Variants in NLRC5 observed in about 807,000 individuals in gnomAD.
The protein encoded by NLRC5 is NLR family CARD domain containing 5, also known as protein NLRC5.
NLRC5 carries 114 observed loss-of-function variants against 206.9 expected under a neutral mutation model. The ratio of observed to expected loss-of-function variants is 0.55; its 90% CI spans 0.47 to 0.64. The LOEUF (loss-of-function observed/expected upper bound fraction) is 0.64, where lower values mean the gene tolerates loss of function less well. Among genes scored for constraint, NLRC5 ranks in the 30% least tolerant of loss-of-function variants. NLRC5 has a pLI of 0.00. For synonymous variants in NLRC5, 952 were observed against 962.8 expected (o/e 0.99, Z 0.21); for missense variants, 2,008 against 2,305.5 (o/e 0.87, Z 2.64).
Position 57,040,631 on chromosome 16 carries a change from C to T in NLRC5, c.2871-19C>T, listed in dbSNP as rs769259941. 1.2e-6 allele frequency: 2 copies of T among 1,613,634 alleles called. No homozygotes were observed. Among genetic ancestry groups the T allele is most frequent in the African/African-American group, 1.3e-5 (1 of 74,918 alleles). ...GGACATGGCCTTTGCTCAGCCTGGC[C>T]TTGGTGATGTCCCTCCAGGGCTGCA... On this transcript the variant is annotated intron_variant, in intron 16 of 48. Transcript: ENST00000688547.
At chr16:57,032,124 A>G (rs772966606) in intron 11 of NLRC5, among the ~76,000 whole-genome samples, 3 of 152,044 alleles carry the variant, frequency 2.0e-5, no homozygotes, top group Non-Finnish European at 4.4e-5. Flanking sequence ...TGTAGGACCA[A>G]TGTTGCTGGG....
At chr16:57,078,582 G>A (rs1259218360) in intron 43 of NLRC5, among the ~76,000 whole-genome samples, 3 of 148,522 alleles carry the variant, frequency 2.0e-5, no homozygotes, top group Non-Finnish European at 4.4e-5. Flanking sequence ...AGCAATTCTT[G>A]TGCCTCAGCT....
chr16:57,055,171 C>A, intron 26 of NLRC5, 77 bp downstream of exon 26: 2 of 1,467,428 alleles, frequency 1.4e-6, no homozygotes, highest in South Asian at 1.1e-5. Context: ...GTGGCCAGAG[C>A]AGTATGCAGA....
chr16:57,058,239 C>A, intron 28 of NLRC5, 91 bp downstream of exon 28: 1 of 1,024,216 alleles, frequency 9.8e-7, no homozygotes. Flanking sequence ...AGGGCATCCC[C>A]CAGAGCACCA....
At chr16:56,996,732 C>T (rs1364424711) in intron 1 of NLRC5, among the ~76,000 whole-genome samples, 1 of 151,972 alleles carries the variant, frequency 6.6e-6, no homozygotes, top group Non-Finnish European at 1.5e-5. Flanking sequence ...CAAATGAGTA[C>T]AGGTTATGTT....
chr16:57,039,925 CCAGT>C (rs1482617245), intron 16 of NLRC5, 76 bp downstream of exon 16: 32 of 1,265,516 alleles, frequency 2.5e-5, no homozygotes, highest in African/African-American at 4.5e-5. Context: ...CTGGGCAGTG[CCAGT>C]CAGTCAACTG....
chr16:57,034,086 C>G, intron 12 of NLRC5, 82 bp from the exon 13 acceptor site: 2 of 1,183,162 alleles, frequency 1.7e-6, no homozygotes, highest in Non-Finnish European at 2.5e-6. Flanking sequence ...GGCCCCCTGA[C>G]TCCCCCAGCA....
chr16:56,991,336 GAAAATTCAGC>G (rs2056810529), intron 1 of NLRC5, among the ~76,000 whole-genome samples: 1 of 151,228 alleles, frequency 6.6e-6, no homozygotes, highest in Non-Finnish European at 1.5e-5. Flanking sequence ...CCCCTCTGAG[GAAAATTCAGC>G]AAAACTTCTT....
At chr16:57,075,632 C>T (rs2068306537) in intron 39 of NLRC5, among the ~76,000 whole-genome samples, 1 of 152,128 alleles carries the variant, frequency 6.6e-6, no homozygotes, top group Admixed American at 6.6e-5. Context: ...CCTACACTCC[C>T]TTTGTGATTT....
intron 33 of NLRC5, 147 bp from the exon 34 acceptor site, chr16:57,066,387 C>T (rs947876232): frequency 1.5e-6 from 1 of 651,104 alleles, no homozygotes; most frequent in Non-Finnish European, 2.8e-6. Context: ...GAAGCACCTA[C>T]TTTCCAGTCC....
chr16:57,074,263 T>C (rs1274371843), intron 38 of NLRC5: 2 of 205,768 alleles, frequency 9.7e-6, no homozygotes, highest in Non-Finnish European at 2.0e-5. Flanking sequence ...ACCTGTAAAA[T>C]GGGGACGATA....
At chr16:57,037,162 A>G (rs200056572) in intron 14 of NLRC5, 33 bp from the exon 15 acceptor site, 2 of 1,590,414 alleles carry the variant, frequency 1.3e-6, no homozygotes, top group Non-Finnish European at 1.7e-6. Context: ...CCTCAGCCAC[A>G]TGCCAACGGC....
chr16:57,043,450 T>C lies in NLRC5; in HGVS notation c.3114-65T>C, dbSNP rs2063535072. ...GGGATCCCTCCCCCGCCCTGTGCCC[T>C]GACCACAAAGAGGATGTGTTTGGGT... On this transcript the variant is annotated intron_variant, in intron 19 of 48. Coordinates refer to ENST00000688547, the MANE Select transcript of NLRC5 (RefSeq NM_001384950.1). 3 of 1,056,012 alleles carry C rather than the reference T, an allele frequency of 2.8e-6. No homozygotes were observed. In the Admixed American group the frequency reaches 5.2e-5, roughly 18 times the overall value. 65.4% of individuals were successfully genotyped at this position (1,056,012 alleles called of 1,614,324 possible).
intron 23 of NLRC5, among the ~76,000 whole-genome samples, chr16:57,049,059 TC>T (rs2064427322): frequency 6.6e-6 from 1 of 152,006 alleles, no homozygotes; most frequent in Admixed American, 6.6e-5. Context: ...AAAAGAATTG[TC>T]TTGGGCCACA....
At chr16:57,011,011 C>T (rs1463432548) in intron 1 of NLRC5, among the ~76,000 whole-genome samples, 4 of 152,190 alleles carry the variant, frequency 2.6e-5, no homozygotes, top group Admixed American at 2.0e-4. Context: ...CAGACCCCTC[C>T]TCAGACACAA....
Position 57,026,108 on chromosome 16 carries a change from G to T in NLRC5, c.1165G>T (p.Ala389Ser). The stretch of plus-strand genomic sequence containing the variant: ...CAGCGCCCAGCCATCGCGGGAGGGG[G>T]CCCTGGTGGAGTTACAGACAAATGG... ...FFSAQPSREG[A>S]LVELQTNGRL... The change falls in exon 6 of 49, where the codon GCC becomes TCC. Residue 389 changes from alanine (A) to serine (S), a missense_variant. Coordinates refer to ENST00000688547, the MANE Select transcript of NLRC5 (RefSeq NM_001384950.1). 6.2e-7 allele frequency: 1 copy of T among 1,614,092 alleles called. No homozygotes were observed. The highest frequency in any genetic ancestry group is 8.5e-7 in the Non-Finnish European group (1 of 1,180,048).
At chr16:57,053,190 G>A (rs1399876171) in intron 24 of NLRC5, 1 of 152,254 alleles carries the variant, frequency 6.6e-6, no homozygotes, top group Non-Finnish European at 1.5e-5. Flanking sequence ...CTGGAGAGGT[G>A]ATTTAGATGT....
chr16:57,036,184 G>A lies in NLRC5; in HGVS notation c.2711+1G>A, dbSNP rs772834778. On this transcript the variant is annotated splice_donor_variant, in intron 14 of 48. Transcript: ENST00000688547. LOFTEE classifies it high-confidence loss of function. ...AGCTGCACATCGCCAGGAAGCTGGA[G>A]TGAGTTGTCCACCCCACCGCTGGGT... 2.5e-6 allele frequency: 4 copies of A among 1,612,874 alleles called. No homozygotes were observed. The South Asian group carries it at 3.3e-5, about 13-fold the overall frequency.
intron 22 of NLRC5, 41 bp from the exon 23 acceptor site, chr16:57,047,504 G>C (rs1310692244): frequency 6.4e-7 from 1 of 1,564,394 alleles, no homozygotes; most frequent in East Asian, 2.3e-5. Context: ...GGGACCCTGG[G>C]CTTTCTCTGA....
Sources: allele counts gnomAD v4.1 joint callset (sites outside exome capture counted in the v4.1 genomes callset), GRCh38; gene constraint gnomAD v4.1.1; transcripts MANE v1.5; gene names NCBI Gene and HGNC (gene_info 2026-07-23, HGNC 2026-07-21).